Variants in MEP1A observed in about 807,000 individuals in gnomAD.
MEP1A encodes the protein meprin A subunit alpha, also known as N-benzoyl-L-tyrosyl-P-amino-benzoic acid hydrolase subunit alpha.
Under a neutral mutation model 84.5 loss-of-function variants are expected in MEP1A, and 68 were observed. The ratio of observed to expected loss-of-function variants is 0.80; its 90% CI spans 0.66 to 0.98. The LOEUF is 0.98. MEP1A is among the 50% of genes least tolerant of loss of function. The pLI is 0.00. For missense variants in MEP1A, 887 were observed against 919.9 expected (o/e 0.96, Z 0.46); for synonymous variants, 337 against 336.8 (o/e 1.00, Z -0.01).
rs1294639996 is a variant in MEP1A at position 46,825,423 on chromosome 6, C to T, written c.708C>T (p.Asn236=). ...TCACAGCCAAGATCCCTGAGTTTAA[C>T]TCCATTATCGGACAGCGCCTGGATT... ...PTITAKIPEF[N]SIIGQRLDFS... is the part of the protein sequence containing the mutation. The change falls in exon 8 of 14, where the codon AAC becomes AAT. Residue 236 remains asparagine (N), a synonymous_variant. Coordinates refer to ENST00000230588, the MANE Select transcript of MEP1A (RefSeq NM_005588.3). 6.2e-7 allele frequency: 1 copy of T among 1,613,792 alleles called. No individual in the cohort carries two copies. Among genetic ancestry groups the T allele is most frequent in the African/African-American group, 1.3e-5 (1 of 74,898 alleles).
downstream of MEP1A, among the ~76,000 whole-genome samples, chr6:46,844,632 T>A (rs138904781): frequency 2.5e-3 from 374 of 152,202 alleles, no homozygotes; most frequent in African/African-American, 8.6e-3. Flanking sequence ...AAGAAAGGCA[T>A]GAGAAGAGAG....
At chr6:46,823,506 G>A (rs1767831308) in intron 7 of MEP1A, among the ~76,000 whole-genome samples, 1 of 152,182 alleles carries the variant, frequency 6.6e-6, no homozygotes, top group African/African-American at 2.4e-5. Flanking sequence ...CAGCTACTCA[G>A]GAGGCTGAGG....
intron 10 of MEP1A, among the ~76,000 whole-genome samples, chr6:46,830,908 G>T (rs1768061102): frequency 6.6e-6 from 1 of 152,174 alleles, no homozygotes; most frequent in Non-Finnish European, 1.5e-5. Context: ...ACCAAGGATT[G>T]TAAATATTTA....
chr6:46,828,386 G>A (rs1015574109), intron 9 of MEP1A, among the ~76,000 whole-genome samples: 1 of 152,126 alleles, frequency 6.6e-6, no homozygotes, highest in African/African-American at 2.4e-5. Flanking sequence ...TTGGTGGGAA[G>A]CTTATTTAAA....
chr6:46,814,381 T>G (rs138911988), intron 6 of MEP1A, among the ~76,000 whole-genome samples: 116 of 152,310 alleles, frequency 7.6e-4, no homozygotes, highest in African/African-American at 2.5e-3. Flanking sequence ...AAGTATGTCC[T>G]TGATTTCCAG....
At chr6:46,820,428 T>C (rs539686289) in intron 7 of MEP1A, among the ~76,000 whole-genome samples, 3 of 152,364 alleles carry the variant, frequency 2.0e-5, no homozygotes, top group South Asian at 2.1e-4. Context: ...TTTGCTCTTG[T>C]GGCCCAGGCT....
At chr6:46,843,989 G>T (rs1768376060), downstream of MEP1A, among the ~76,000 whole-genome samples, 1 of 152,096 alleles carries the variant, frequency 6.6e-6, no homozygotes, top group African/African-American at 2.4e-5. Context: ...TAATCTATAT[G>T]GAACACTATG....
At chr6:46,814,585 T>C (rs1431347964) in intron 6 of MEP1A, among the ~76,000 whole-genome samples, 1 of 152,196 alleles carries the variant, frequency 6.6e-6, no homozygotes, top group Non-Finnish European at 1.5e-5. Flanking sequence ...TCCATTGCGG[T>C]GCACTGACAT....
At position 46,833,160 on chromosome 6, in the gene MEP1A, G is replaced by A. The variant is rs142227340; in HGVS notation, c.1231G>A (p.Asp411Asn). 7.5e-6 allele frequency: 12 copies of A among 1,591,378 alleles called. No homozygotes were observed. Among genetic ancestry groups the A allele is most frequent in the Middle Eastern group, 1.8e-4 (1 of 5,614 alleles). Residue 411 changes from aspartate (D) to asparagine (N), a missense_variant, in exon 11 of 14, where the codon GAC becomes AAC. Coordinates refer to ENST00000230588, the MANE Select transcript of MEP1A (RefSeq NM_005588.3). Reference protein sequence around the residue: ...FRYLFQGTKGDPQNSTGGIYL... With the variant: ...FRYLFQGTKGNPQNSTGGIYL... The stretch of plus-strand genomic sequence containing the variant: ...CTACCTTTTCCAGGGCACAAAAGGC[G>A]ACCCTCAGAACTCAACTGGGGGAAT...
intron 7 of MEP1A, among the ~76,000 whole-genome samples, 179 bp from the exon 8 acceptor site, chr6:46,825,093 A>G (rs1378643867): frequency 5.5e-5 from 7 of 127,408 alleles, no homozygotes; most frequent in Non-Finnish European, 9.8e-5. Flanking sequence ...TTTATAAATT[A>G]TGTATTTAAA....
rs146158038 is a variant in MEP1A at position 46,825,432 on chromosome 6, C to T, written c.717C>T (p.Ile239=). Residue 239 remains isoleucine (I), a synonymous_variant, in exon 8 of 14, where the codon ATC becomes ATT. Transcript: ENST00000230588. ...AGATCCCTGAGTTTAACTCCATTAT[C>T]GGACAGCGCCTGGATTTCAGTGCCA... ...TAKIPEFNSI[I]GQRLDFSAID... 63 of 1,613,738 alleles carry T rather than the reference C, an allele frequency of 3.9e-5. 1 individual carries two copies. In the South Asian group the frequency reaches 4.7e-4, roughly 12 times the overall value.
rs188901635 is a variant in MEP1A at position 46,801,582 on chromosome 6, T to A, written c.262+2401T>A. Among the ~76,000 whole-genome samples the A allele has an allele frequency of 3.1e-3, 467 of 152,256 alleles. 3 individuals are homozygous for A. The highest frequency in any genetic ancestry group is 5.0e-3 in the Admixed American group (77 of 15,280). On this transcript the variant is annotated intron_variant, in intron 5 of 13. Coordinates refer to ENST00000230588, the MANE Select transcript of MEP1A (RefSeq NM_005588.3). The stretch of plus-strand genomic sequence containing the variant: ...TTACTTACCTATTTGTTTTTGTTTT[T>A]CAAGCAGTGAATTTTGAAATGCAAA...
intron 6 of MEP1A, among the ~76,000 whole-genome samples, chr6:46,817,667 T>C (rs1767672670): frequency 6.6e-6 from 1 of 152,202 alleles, no homozygotes; most frequent in Admixed American, 6.6e-5. Flanking sequence ...TAAAACAAAA[T>C]CCACATAATT....
At chr6:46,800,554 G>A (rs1767178152) in intron 5 of MEP1A, among the ~76,000 whole-genome samples, 1 of 152,126 alleles carries the variant, frequency 6.6e-6, no homozygotes, top group African/African-American at 2.4e-5. Flanking sequence ...AGGTATTAAG[G>A]ATACAGCAGT....
intron 13 of MEP1A, among the ~76,000 whole-genome samples, chr6:46,837,386 T>C (rs1768237303): frequency 6.6e-6 from 1 of 152,218 alleles, no homozygotes; most frequent in Admixed American, 6.5e-5. Context: ...CAACATCAGA[T>C]TTTATGAACA....
chr6:46,793,770 TG>T, intron 3 of MEP1A, 54 bp downstream of exon 3: 1 of 1,269,482 alleles, frequency 7.9e-7, no homozygotes, highest in Non-Finnish European at 1.1e-6. Flanking sequence ...AACCCAGTGG[TG>T]GGATTACTGA....
chr6:46,803,260 T>C (rs1005818627), intron 5 of MEP1A, among the ~76,000 whole-genome samples: 1 of 151,636 alleles, frequency 6.6e-6, no homozygotes, highest in African/African-American at 2.4e-5. Context: ...ATTCTTATTT[T>C]CTATTATGCT....
chr6:46,795,902 A>T (rs1289761780), intron 3 of MEP1A, among the ~76,000 whole-genome samples: 6 of 152,150 alleles, frequency 3.9e-5, no homozygotes, highest in Non-Finnish European at 7.4e-5. Flanking sequence ...GTCACTCAAG[A>T]GCTTTCTCTT....
Position 46,833,089 on chromosome 6 carries a change from A to G in MEP1A, c.1160A>G (p.Asn387Ser), listed in dbSNP as rs1354539347. The G allele has an allele frequency of 4.6e-6, 7 of 1,524,882 alleles. No homozygotes were observed. Among genetic ancestry groups the G allele is most frequent in the African/African-American group, 2.8e-5 (2 of 71,818 alleles). The allele number at this position is 1,524,882 out of a possible 1,614,324, so 94.5% of individuals were successfully genotyped here. A position where few individuals can be genotyped will look rare whatever the true frequency, so the allele number is the denominator to read the frequency against. The change falls in exon 11 of 14, where the codon AAT becomes AGT. Residue 387 changes from asparagine to serine, a missense_variant. Coordinates refer to ENST00000230588, the MANE Select transcript of MEP1A (RefSeq NM_005588.3). ...VQTFQGDDDH[N>S]WKIAHVVLKE... ...CTGTCCTCAGGAGATGATGACCACA[A>G]TTGGAAAATTGCCCATGTGGTGCTC...
Sources: allele counts gnomAD v4.1 joint callset (sites outside exome capture counted in the v4.1 genomes callset), GRCh38; gene constraint gnomAD v4.1.1; transcripts MANE v1.5; gene names NCBI Gene and HGNC (gene_info 2026-07-23, HGNC 2026-07-21).